The following OR51B5 variants were observed in gnomAD, a reference collection of about 807,000 sequenced individuals.
The protein encoded by OR51B5 is olfactory receptor 51B5.
For synonymous variants in OR51B5, 186 were observed against 144.8 expected (o/e 1.28, Z -2.04); for missense variants, 456 against 374.6 (o/e 1.22, Z -1.79).
intron 1 of OR51B5, among the ~76,000 whole-genome samples, chr11:5,502,764 T>C (rs1466585742): frequency 6.6e-6 from 1 of 152,234 alleles, no homozygotes; most frequent in Non-Finnish European, 1.5e-5. Flanking sequence ...TTACAGGGTT[T>C]CTGTAAGAAA....
At chr11:5,377,390 T>A (rs1481898238) in intron 1 of OR51B5, among the ~76,000 whole-genome samples, 4 of 151,904 alleles carry the variant, frequency 2.6e-5, no homozygotes, top group East Asian at 1.9e-4. Context: ...ATTCCCTTTG[T>A]AAACTGGCAC....
chr11:5,467,867 A>G (rs928889611), intron 1 of OR51B5, among the ~76,000 whole-genome samples: 5 of 152,172 alleles, frequency 3.3e-5, no homozygotes. Flanking sequence ...GCCTCTAGTC[A>G]TTCAATCCTC....
chr11:5,488,885 C>T (rs770284921), intron 1 of OR51B5: 56 of 1,613,922 alleles, frequency 3.5e-5, no homozygotes, highest in Non-Finnish European at 3.4e-6. Context: ...GCTCTTCATG[C>T]ACCTATGTAC....
At chr11:5,374,146 C>T (rs1046263555) in intron 1 of OR51B5, among the ~76,000 whole-genome samples, 14 of 152,172 alleles carry the variant, frequency 9.2e-5, no homozygotes, top group South Asian at 4.1e-4. Flanking sequence ...TCCAGAGGAA[C>T]GATCAGACAG....
At chr11:5,474,466 G>GT (rs955414865) in intron 1 of OR51B5, among the ~76,000 whole-genome samples, 2 of 147,138 alleles carry the variant, frequency 1.4e-5, no homozygotes, top group African/African-American at 5.0e-5. Flanking sequence ...TTAATGAACT[G>GT]TTTTTTAACA....
At chr11:5,453,363 C>G in intron 1 of OR51B5, 1 of 595,600 alleles carries the variant, frequency 1.7e-6, no homozygotes, top group South Asian at 3.4e-5. Flanking sequence ...GCGTCAGTTT[C>G]CATTTATGTC....
chr11:5,402,325 T>C (rs1000220671), intron 1 of OR51B5, among the ~76,000 whole-genome samples: 1 of 152,188 alleles, frequency 6.6e-6, no homozygotes, highest in Non-Finnish European at 1.5e-5. Flanking sequence ...AGACACATAA[T>C]TTTCTTTCTG....
rs11037015 is a variant in OR51B5 at position 5,363,351 on chromosome 11, T to C, written n.85-16441A>G. Among the ~76,000 whole-genome samples, 181 of 23,278 alleles carry C rather than the reference T, an allele frequency of 7.8e-3. 2 individuals carry two copies. Among genetic ancestry groups the C allele is most frequent in the African/African-American group, 0.011 (72 of 6,794 alleles). The allele number at this position is 23,278 out of a possible 152,430, so 15.3% of individuals were successfully genotyped here. Reference sequence around the variant, plus strand: ...GCAGTATTGGAATTACAGTTTTTTTTGGTTTTTGTTTTTTTTTACTTCAAG... The same window carrying C: ...GCAGTATTGGAATTACAGTTTTTTTCGGTTTTTGTTTTTTTTTACTTCAAG... On this transcript the variant is annotated intron_variant and non_coding_transcript_variant, in intron 1 of 4. Transcript: ENST00000415970.
At chr11:5,449,551 C>G (rs1850814171) in intron 1 of OR51B5, among the ~76,000 whole-genome samples, 1 of 152,198 alleles carries the variant, frequency 6.6e-6, no homozygotes, top group Non-Finnish European at 1.5e-5. Flanking sequence ...GGTTCTTGTT[C>G]TGGCACTGCC....
intron 1 of OR51B5, among the ~76,000 whole-genome samples, chr11:5,412,438 CGCA>C (rs1197265018): frequency 6.6e-6 from 1 of 152,072 alleles, no homozygotes; most frequent in Non-Finnish European, 1.5e-5. Context: ...AGACAGTGGG[CGCA>C]GGTCAGTGGG....
At chr11:5,503,663 A>C (rs1290828798) in intron 1 of OR51B5, among the ~76,000 whole-genome samples, 1 of 152,206 alleles carries the variant, frequency 6.6e-6, no homozygotes, top group Non-Finnish European at 1.5e-5. Context: ...AGTTAAAATA[A>C]TTGAGGAAGT....
At chr11:5,460,956 G>A (rs1851040744) in intron 1 of OR51B5, among the ~76,000 whole-genome samples, 1 of 152,188 alleles carries the variant, frequency 6.6e-6, no homozygotes, top group South Asian at 2.1e-4. Context: ...GCACTGGAGG[G>A]GCCAAGGTGC....
chr11:5,369,534 A>C (rs1168932249), intron 1 of OR51B5, among the ~76,000 whole-genome samples: 1 of 152,160 alleles, frequency 6.6e-6, no homozygotes, highest in Non-Finnish European at 1.5e-5. Context: ...TTGTATTTTT[A>C]AAATTTTCCA....
chr11:5,379,056 C>G (rs1281113672), intron 1 of OR51B5, among the ~76,000 whole-genome samples: 1 of 150,894 alleles, frequency 6.6e-6, no homozygotes, highest in Non-Finnish European at 1.5e-5. Flanking sequence ...AGACTTGGAA[C>G]CAACCCAAAT....
intron 1 of OR51B5, among the ~76,000 whole-genome samples, chr11:5,483,005 G>T (rs1427882278): frequency 7.0e-5 from 9 of 128,268 alleles, no homozygotes; most frequent in African/African-American, 1.5e-4. Context: ...TCCCATTACT[G>T]GGTATATACC....
intron 1 of OR51B5, among the ~76,000 whole-genome samples, chr11:5,353,758 T>C (rs1168003582): frequency 6.6e-6 from 1 of 152,214 alleles, no homozygotes; most frequent in Non-Finnish European, 1.5e-5. Flanking sequence ...CCCTCATCTC[T>C]GGCCTCTGTC....
chr11:5,417,207 G>A (rs1054374673), intron 1 of OR51B5, among the ~76,000 whole-genome samples: 43 of 151,418 alleles, frequency 2.8e-4, no homozygotes, highest in Non-Finnish European at 5.6e-4. Context: ...ATGGTGCTGG[G>A]AAAACTGGCT....
intron 1 of OR51B5, among the ~76,000 whole-genome samples, chr11:5,499,443 G>T (rs955590313): frequency 6.6e-6 from 1 of 152,144 alleles, no homozygotes; most frequent in Admixed American, 6.6e-5. Flanking sequence ...CTTAGGAACA[G>T]CAACTCTACA....
chr11:5,489,011 C>G, intron 1 of OR51B5: 1 of 1,614,062 alleles, frequency 6.2e-7, no homozygotes, highest in Non-Finnish European at 8.5e-7. Context: ...GGATGCCTGG[C>G]CCAGATGTTT....
Sources: gnomAD v4.1 joint callset for allele counts (sites outside exome capture counted in the v4.1 genomes callset) on GRCh38, gnomAD v4.1.1 for gene constraint, MANE v1.5 for transcripts, NCBI Gene and HGNC (gene_info 2026-07-23, HGNC 2026-07-21) for gene names.